BTRC: variants seen among roughly 807,000 people sequenced by gnomAD.
The protein encoded by BTRC is beta-transducin repeat containing E3 ubiquitin protein ligase.
In BTRC, 42 loss-of-function variants were observed where a neutral mutation model predicts 85.5. The observed-to-expected ratio is 0.49, with a 90% CI of 0.38 to 0.64. BTRC has a LOEUF of 0.64. Ranked by LOEUF, BTRC falls within the 30% of genes least tolerant of loss-of-function variation. The pLI is 0.00. For missense variants in BTRC, 594 were observed against 743.5 expected (o/e 0.80, Z 2.34); for synonymous variants, 255 against 263.3 (o/e 0.97, Z 0.30).
At chr10:101,496,008 A>ATTT (rs71016326) in intron 4 of BTRC, among the ~76,000 whole-genome samples, 3 of 148,820 alleles carry the variant, frequency 2.0e-5, no homozygotes, top group Non-Finnish European at 4.5e-5. Flanking sequence ...ATCATATAGT[A>ATTT]TTTTTTTTTT....
chr10:101,475,921 C>T lies in BTRC; in HGVS notation c.235-3447C>T, dbSNP rs1479859902. On this transcript the variant is annotated intron_variant, in intron 3 of 14. Coordinates refer to ENST00000370187, the MANE Select transcript of BTRC (RefSeq NM_033637.4). Reference sequence around the variant, plus strand: ...ATTTGCATAGTCTCCAAGTATTTTGCCATATATATATATATATATATATAT... The same window carrying T: ...ATTTGCATAGTCTCCAAGTATTTTGTCATATATATATATATATATATATAT... Among the ~76,000 whole-genome samples the T allele has an allele frequency of 5.7e-4, 7 of 12,216 alleles. 1 individual carries two copies. In the Admixed American group the frequency reaches 6.7e-3, roughly 12 times the overall value. The allele number at this position is 12,216 out of a possible 152,430, so 8.0% of individuals were successfully genotyped here.
At chr10:101,536,980 C>T (rs557716161) in intron 12 of BTRC, among the ~76,000 whole-genome samples, 2 of 152,254 alleles carry the variant, frequency 1.3e-5, no homozygotes, top group East Asian at 3.9e-4. Context: ...AAAGGGTAAC[C>T]TGTTAACAAA....
At position 101,553,623 on chromosome 10, in the gene BTRC, A is replaced by G. The variant is rs1239895723; in HGVS notation, c.*500A>G. On this transcript the variant is annotated 3_prime_UTR_variant, in exon 15 of 15. Coordinates refer to ENST00000370187, the MANE Select transcript of BTRC (RefSeq NM_033637.4). ...CTCCCTGTTAACTGCAGGAATGCCA[A>G]GCACCTGGCCAGAGCAGCCCAGCCC... The G allele has an allele frequency of 1.3e-5, 2 of 152,746 alleles. No homozygotes were observed. Among genetic ancestry groups the G allele is most frequent in the Non-Finnish European group, 2.9e-5 (2 of 68,140 alleles). 9.5% of individuals were successfully genotyped at this position (152,746 alleles called of 1,614,324 possible).
chr10:101,485,449 T>C (rs1220986641), intron 4 of BTRC, among the ~76,000 whole-genome samples: 2 of 152,228 alleles, frequency 1.3e-5, no homozygotes, highest in Admixed American at 1.3e-4. Flanking sequence ...GCAGAGCAGA[T>C]CTGCAGAGAA....
At chr10:101,519,028 G>C (rs1347196662) in intron 4 of BTRC, among the ~76,000 whole-genome samples, 1 of 151,122 alleles carries the variant, frequency 6.6e-6, no homozygotes, top group Non-Finnish European at 1.5e-5. Flanking sequence ...TGTTGGGCTG[G>C]ACTGAGTTCT....
intron 3 of BTRC, among the ~76,000 whole-genome samples, chr10:101,474,562 G>T (rs1052391085): frequency 2.0e-5 from 3 of 152,166 alleles, no homozygotes; most frequent in Non-Finnish European, 4.4e-5. Context: ...CCATAGATTT[G>T]AGGGGAATTT....
chr10:101,551,528 A>T (rs560674810), intron 14 of BTRC, among the ~76,000 whole-genome samples: 9 of 152,204 alleles, frequency 5.9e-5, no homozygotes, highest in Non-Finnish European at 1.2e-4. Context: ...GTCCATACAT[A>T]TTGTGGTATA....
intron 1 of BTRC, among the ~76,000 whole-genome samples, chr10:101,374,923 G>A (rs938003292): frequency 6.6e-6 from 1 of 152,186 alleles, no homozygotes; most frequent in Non-Finnish European, 1.5e-5. Flanking sequence ...CATAACCGCT[G>A]TCTATTGGGA....
At chr10:101,480,553 T>C (rs1022804877) in intron 4 of BTRC, among the ~76,000 whole-genome samples, 3 of 152,330 alleles carry the variant, frequency 2.0e-5, no homozygotes, top group East Asian at 3.9e-4. Flanking sequence ...ATCCGAGGTC[T>C]CTTTTTTTTA....
intron 1 of BTRC, among the ~76,000 whole-genome samples, chr10:101,385,730 GAC>G (rs149274045): frequency 4.2e-5 from 6 of 142,924 alleles, no homozygotes; most frequent in Admixed American, 1.5e-4. Flanking sequence ...CCTCTTCCCA[GAC>G]ACACACACAC....
At chr10:101,433,036 T>C (rs1016392612) in intron 2 of BTRC, among the ~76,000 whole-genome samples, 2 of 152,090 alleles carry the variant, frequency 1.3e-5, no homozygotes, top group African/African-American at 4.8e-5. Flanking sequence ...GTCCAGTCGC[T>C]AAATCTCTCA....
At position 101,374,124 on chromosome 10, in the gene BTRC, G is replaced by A. The variant is rs576334891; in HGVS notation, c.48+19896G>A. Among the ~76,000 whole-genome samples the A allele has an allele frequency of 9.2e-5, 14 of 152,098 alleles. No homozygotes were observed. The South Asian group carries it at 2.3e-3, about 25-fold the overall frequency. ...AATGGTATTTCCAGTTCTAGATCCC[G>A]GAGGAATCGCCACACTGACTTCCAC... On this transcript the variant is annotated intron_variant, in intron 1 of 14. Coordinates refer to ENST00000370187, the MANE Select transcript of BTRC (RefSeq NM_033637.4).
At chr10:101,436,592 G>C (rs1434285320) in intron 2 of BTRC, among the ~76,000 whole-genome samples, 1 of 151,674 alleles carries the variant, frequency 6.6e-6, no homozygotes, top group Non-Finnish European at 1.5e-5. Flanking sequence ...TCTAGCCTGG[G>C]TGACAGAGTG....
chr10:101,459,766 C>CTCT (rs1449419737), intron 2 of BTRC, among the ~76,000 whole-genome samples: 1 of 152,076 alleles, frequency 6.6e-6, no homozygotes, highest in Non-Finnish European at 1.5e-5. Context: ...AATACCCACC[C>CTCT]AGTGGTTATC....
At chr10:101,365,969 C>G (rs1942362213) in intron 1 of BTRC, among the ~76,000 whole-genome samples, 1 of 152,134 alleles carries the variant, frequency 6.6e-6, no homozygotes, top group Non-Finnish European at 1.5e-5. Flanking sequence ...CTCCAGTTTT[C>G]TTAACCAGAA....
intron 1 of BTRC, among the ~76,000 whole-genome samples, chr10:101,397,937 TA>T (rs1297945137): frequency 6.6e-6 from 1 of 152,362 alleles, no homozygotes; most frequent in Non-Finnish European, 1.5e-5. Flanking sequence ...TAAGTGTTTT[TA>T]AAAATGCCAT....
chr10:101,432,713 C>T (rs534537538), intron 2 of BTRC, among the ~76,000 whole-genome samples: 1 of 152,238 alleles, frequency 6.6e-6, no homozygotes, highest in South Asian at 2.1e-4. Flanking sequence ...CAGTTTATTA[C>T]AGGAAAAGGA....
chr10:101,514,463 A>T (rs1452644746), intron 4 of BTRC, among the ~76,000 whole-genome samples: 1 of 147,038 alleles, frequency 6.8e-6, no homozygotes, highest in Non-Finnish European at 1.5e-5. Flanking sequence ...TCCCTATTTA[A>T]TTTTTTTTTT....
At chr10:101,504,073 G>C (rs1427721845) in intron 4 of BTRC, among the ~76,000 whole-genome samples, 2 of 152,172 alleles carry the variant, frequency 1.3e-5, no homozygotes, top group African/African-American at 4.8e-5. Context: ...GGTGTTGGGG[G>C]TAAGTTGGGC....
Sources: allele counts gnomAD v4.1 joint callset (sites outside exome capture counted in the v4.1 genomes callset), GRCh38; gene constraint gnomAD v4.1.1; transcripts MANE v1.5; gene names NCBI Gene and HGNC (gene_info 2026-07-23, HGNC 2026-07-21).